The following DYDC2 variants were observed in gnomAD, a reference collection of about 807,000 sequenced individuals.
DYDC2 encodes DPY30 domain-containing protein 2.
In DYDC2, 19 loss-of-function variants were observed where a neutral mutation model predicts 18.7. The observed-to-expected ratio is 1.02, with a 90% CI of 0.71 to 1.49. DYDC2 has a LOEUF of 1.49. Ranked by LOEUF, DYDC2 falls within the 40% of genes most tolerant of loss-of-function variation. The pLI, the probability that DYDC2 is intolerant of heterozygous loss-of-function variation, is 0.00. For synonymous variants in DYDC2, 63 were observed against 67.6 expected, an observed-to-expected ratio of 0.93 and a Z score of 0.34; for missense variants, 179 against 205.1, an observed-to-expected ratio of 0.87 and a Z score of 0.78.
chr10:80,356,717 C>T, upstream of DYDC2: 1 of 985,072 alleles, frequency 1.0e-6, no homozygotes, highest in Non-Finnish European at 1.2e-6. Context: ...CTCACCCCTA[C>T]ACACGCGCCT....
In DYDC2 at chr10:80,367,644, C is replaced by G. The variant is rs1285029851; in HGVS notation, c.*693C>G. On this transcript the variant is annotated 3_prime_UTR_variant, in exon 5 of 5. Transcript: ENST00000256039. The stretch of plus-strand genomic sequence containing the variant: ...CCAACACTAAGCTTTCCTCCCAACA[C>G]ACATCCATCTCGTGTGTTCATGTCT... The G allele has an allele frequency of 6.6e-6, 1 of 152,250 alleles. No homozygotes were observed. Among genetic ancestry groups the G allele is most frequent in the Non-Finnish European group, 1.5e-5 (1 of 68,084 alleles). The allele number at this position is 152,250 out of a possible 1,614,324, so 9.4% of individuals were successfully genotyped here.
chr10:80,358,092 C>T, intron 2 of DYDC2, 47 bp downstream of exon 2: 2 of 984,602 alleles, frequency 2.0e-6, no homozygotes, highest in Non-Finnish European at 2.4e-6. Context: ...AAGGCATCCC[C>T]TTGGCCAGGC....
upstream of DYDC2, among the ~76,000 whole-genome samples, chr10:80,352,197 T>G (rs1292612134): frequency 6.6e-6 from 1 of 152,164 alleles, no homozygotes; most frequent in Non-Finnish European, 1.5e-5. Context: ...TTATACATTG[T>G]GTATGATCAC....
chr10:80,352,162 C>G (rs575433288), upstream of DYDC2, among the ~76,000 whole-genome samples: 1 of 152,250 alleles, frequency 6.6e-6, no homozygotes, highest in African/African-American at 2.4e-5. Flanking sequence ...GATATTTTAT[C>G]TGAATAATGA....
At chr10:80,349,755 A>C (rs1469363679) in intron 1 of DYDC2, among the ~76,000 whole-genome samples, 7 of 152,234 alleles carry the variant, frequency 4.6e-5, no homozygotes, top group African/African-American at 1.7e-4. Context: ...ATTTTCAAGA[A>C]ACTTCCAAAA....
At chr10:80,352,624 G>T, upstream of DYDC2, 2 of 1,591,818 alleles carry the variant, frequency 1.3e-6, no homozygotes, top group Non-Finnish European at 1.7e-6. Flanking sequence ...AAAAGTAAGT[G>T]TTTTTGCATT....
At chr10:80,351,810 G>T, upstream of DYDC2, 2 of 1,117,188 alleles carry the variant, frequency 1.8e-6, no homozygotes, top group South Asian at 1.4e-5. Flanking sequence ...TAAATAACTG[G>T]AGCTGGGAAG....
At chr10:80,361,288 T>C (rs1442756314) in intron 2 of DYDC2, among the ~76,000 whole-genome samples, 1 of 152,250 alleles carries the variant, frequency 6.6e-6, no homozygotes, top group Admixed American at 6.5e-5. Context: ...AAATGTTTTA[T>C]GTACCATAAG....
intron 2 of DYDC2, among the ~76,000 whole-genome samples, chr10:80,361,326 T>C (rs1843659905): frequency 6.6e-6 from 1 of 152,248 alleles, no homozygotes; most frequent in African/African-American, 2.4e-5. Context: ...AGGCAGTTGA[T>C]GTCACTTTGT....
At chr10:80,349,868 G>A (rs1050442450) in intron 1 of DYDC2, among the ~76,000 whole-genome samples, 1 of 152,068 alleles carries the variant, frequency 6.6e-6, no homozygotes, top group African/African-American at 2.4e-5. Flanking sequence ...ATAGAAAATG[G>A]CAATAAAAAT....
chr10:80,362,804 G>T, intron 3 of DYDC2, 147 bp from the exon 4 acceptor site: 2 of 1,270,686 alleles, frequency 1.6e-6, no homozygotes, highest in Non-Finnish European at 2.2e-6. Context: ...TGAAGGGTTT[G>T]TAACTACTAG....
upstream of DYDC2, among the ~76,000 whole-genome samples, chr10:80,353,297 G>A (rs996274207): frequency 6.6e-6 from 1 of 151,756 alleles, no homozygotes; most frequent in Non-Finnish European, 1.5e-5. Flanking sequence ...AGCACACCCT[G>A]GGCTCTAATT....
chr10:80,352,682 A>T, upstream of DYDC2: 1 of 1,487,728 alleles, frequency 6.7e-7, no homozygotes, highest in African/African-American at 1.4e-5. Context: ...AAGTCCAGTG[A>T]GGTGAACAAA....
In DYDC2 at chr10:80,367,066, C is replaced by A; in HGVS notation, c.*115C>A. On this transcript the variant is annotated 3_prime_UTR_variant, in exon 5 of 5. Coordinates refer to ENST00000256039, the MANE Select transcript of DYDC2 (RefSeq NM_032372.6). ...AAAGGCAAGTTCAGGGACTCTCCAG[C>A]CTACTCCTTTTCTGAAAAACCCTTA... 1.6e-6 allele frequency: 2 copies of A among 1,269,386 alleles called. No individual in the cohort carries two copies. Among genetic ancestry groups the A allele is most frequent in the Non-Finnish European group, 2.2e-6 (2 of 924,766 alleles). The allele number at this position is 1,269,386 out of a possible 1,614,324, so 78.6% of individuals were successfully genotyped here. A position where few individuals can be genotyped will look rare whatever the true frequency, so the allele number is the denominator to read the frequency against.
At position 80,364,005 on chromosome 10, in the gene DYDC2, A is replaced by G. The variant is rs553681204; in HGVS notation, c.270+932A>G. On this transcript the variant is annotated intron_variant, in intron 4 of 4. Coordinates refer to ENST00000256039, the MANE Select transcript of DYDC2 (RefSeq NM_032372.6). ...CTTATGCTATTCTATGCTTTCTACAAAGTGGTAGATACCTGGATAGAGAGT... is the reference window on the plus strand; with the variant it reads ...CTTATGCTATTCTATGCTTTCTACAGAGTGGTAGATACCTGGATAGAGAGT... Among the ~76,000 whole-genome samples the G allele has an allele frequency of 2.3e-4, 35 of 152,306 alleles. No homozygotes were observed. The Middle Eastern group carries it at 0.01, about 44-fold the overall frequency.
At chr10:80,359,827 G>T (rs4601708) in intron 2 of DYDC2, among the ~76,000 whole-genome samples, 114,738 of 152,010 alleles carry the variant, frequency 0.75, 44,189 homozygotes, top group East Asian at 0.97. Flanking sequence ...ACTTGCGCTG[G>T]CCTGCGAGTG....
chr10:80,365,547 T>C (rs1433532733), intron 4 of DYDC2, among the ~76,000 whole-genome samples: 1 of 152,240 alleles, frequency 6.6e-6, no homozygotes, highest in Non-Finnish European at 1.5e-5. Context: ...TCAGAGACCA[T>C]GTGGACAAGG....
intron 1 of DYDC2, 39 bp downstream of exon 1, chr10:80,356,864 G>C (rs1843405342): frequency 1.0e-6 from 1 of 985,946 alleles, no homozygotes; most frequent in Non-Finnish European, 1.2e-6. Flanking sequence ...AAGGGGGAAC[G>C]CGCAGCAGAG....
At position 80,366,713 on chromosome 10, in the gene DYDC2, C is replaced by G. The variant is rs142842576; in HGVS notation, c.296C>G (p.Thr99Arg). 21 of 1,604,750 alleles carry G rather than the reference C, an allele frequency of 1.3e-5. 1 individual carries two copies. In the Middle Eastern group the frequency reaches 3.3e-3, roughly 255 times the overall value. The change falls in exon 5 of 5, where the codon ACG (threonine) becomes AGG (arginine). Residue 99 changes from threonine (T) to arginine (R), a missense_variant. Physicochemically the swap from Thr to Arg is moderately conservative, Grantham distance 71. Coordinates refer to ENST00000256039, the MANE Select transcript of DYDC2 (RefSeq NM_032372.6). ...GAACTGACTTCTGAAACTGTTTCCA[C>G]GAAGAAGACCATATTCATGCAGGAG... ...HKELTSETVSTKKTIFMQEDT... is the reference protein window; with the variant it reads ...HKELTSETVSRKKTIFMQEDT...
Sources: gnomAD v4.1 joint callset for allele counts (sites outside exome capture counted in the v4.1 genomes callset) on GRCh38, gnomAD v4.1.1 for gene constraint, MANE v1.5 for transcripts, NCBI Gene and HGNC (gene_info 2026-07-23, HGNC 2026-07-21) for gene names.